TMEM200A: variants seen among roughly 807,000 people sequenced by gnomAD.
The protein encoded by TMEM200A is two transmembrane C.
In TMEM200A, 12 loss-of-function variants were observed where a neutral mutation model predicts 24.3. The observed-to-expected ratio is 0.49, with a 90% CI of 0.32 to 0.80. TMEM200A has a LOEUF of 0.80. Among genes scored for constraint, TMEM200A ranks in the 30% least tolerant of loss-of-function variants. TMEM200A has a pLI of 0.04. For missense variants in TMEM200A, 545 were observed against 614.4 expected, an observed-to-expected ratio of 0.89 and a Z score of 1.19; for synonymous variants, 224 against 224.4, an observed-to-expected ratio of 1.00 and a Z score of 0.02.
At chr6:130,372,663 T>A (rs1425244867) in intron 1 of TMEM200A, among the ~76,000 whole-genome samples, 1 of 152,188 alleles carries the variant, frequency 6.6e-6, no homozygotes, top group Non-Finnish European at 1.5e-5. Context: ...CTAAATAAAA[T>A]GAGTTACTAA....
intron 2 of TMEM200A, among the ~76,000 whole-genome samples, chr6:130,406,157 T>C (rs1369764007): frequency 6.6e-6 from 1 of 152,208 alleles, no homozygotes; most frequent in African/African-American, 2.4e-5. Context: ...CCTTTCCGTT[T>C]ACATATATAG....
At chr6:130,432,098 T>C (rs1779890356) in intron 2 of TMEM200A, among the ~76,000 whole-genome samples, 1 of 152,060 alleles carries the variant, frequency 6.6e-6, no homozygotes, top group Non-Finnish European at 1.5e-5. Context: ...ATTAACATTT[T>C]GCAGATTTTC....
chr6:130,395,751 C>T (rs980208614), intron 2 of TMEM200A, among the ~76,000 whole-genome samples: 11 of 152,120 alleles, frequency 7.2e-5, no homozygotes, highest in African/African-American at 1.2e-4. Context: ...GAGGGGATTG[C>T]GTTATGTATC....
At chr6:130,372,686 G>A (rs1050499905) in intron 1 of TMEM200A, among the ~76,000 whole-genome samples, 8 of 152,182 alleles carry the variant, frequency 5.3e-5, no homozygotes, top group Non-Finnish European at 1.2e-4. Flanking sequence ...GAATGTGAGT[G>A]ACATCATATC....
intron 1 of TMEM200A, among the ~76,000 whole-genome samples, chr6:130,375,798 T>C (rs1778443049): frequency 6.6e-6 from 1 of 152,130 alleles, no homozygotes; most frequent in Admixed American, 6.6e-5. Context: ...TTATTAAAAA[T>C]GAGTGTTGAG....
chr6:130,393,564 C>T (rs73614152), intron 2 of TMEM200A, among the ~76,000 whole-genome samples: 1,998 of 152,160 alleles, frequency 0.013, 38 homozygotes, highest in African/African-American at 0.046. Context: ...TCATGGGGTC[C>T]GAATGGGTTG....
intron 2 of TMEM200A, among the ~76,000 whole-genome samples, chr6:130,391,442 G>T (rs188665150): frequency 6.6e-6 from 1 of 152,092 alleles, no homozygotes; most frequent in East Asian, 1.9e-4. Flanking sequence ...GGGAAATCTG[G>T]GATAGGATAC....
rs1449155179 is a variant in TMEM200A at position 130,366,108 on chromosome 6, C to G, written c.-497C>G. On this transcript the variant is annotated 5_prime_UTR_variant, in exon 1 of 3. Coordinates refer to ENST00000296978, the MANE Select transcript of TMEM200A (RefSeq NM_001258277.2). This position sits in a 1 kb window ranked among gnomAD's most constrained non-coding sequence, Gnocchi z 4.4. ...TGGCGGCGCCGCCTGAGCGGCGACT[C>G]CCTCTCCCCTGCCCGGCTTGCTGCG... 2.0e-6 allele frequency: 2 copies of G among 985,482 alleles called. No homozygotes were observed. Among genetic ancestry groups the G allele is most frequent in the South Asian group, 4.7e-5 (1 of 21,298 alleles). 61.0% of individuals were successfully genotyped at this position (985,482 alleles called of 1,614,324 possible).
chr6:130,441,032 A>G lies in TMEM200A; in HGVS notation c.610A>G (p.Arg204Gly), dbSNP rs1175980354. The change falls in exon 3 of 3, where the codon AGA (arginine) becomes GGA (glycine). Residue 204 changes from arginine (R) to glycine (G), a missense_variant. Arg to Gly is a moderately radical substitution (Grantham distance 125). Transcript: ENST00000296978. ...VKQNGSSCAS[R>G]LAANTIASFS... ...ACAGAATGGGAGCTCCTGTGCCTCG[A>G]GATTGGCAGCAAATACGATCGCCTC... 2 of 1,613,992 alleles carry G rather than the reference A, an allele frequency of 1.2e-6. No homozygotes were observed. The highest frequency in any genetic ancestry group is 2.2e-5 in the South Asian group (2 of 91,058).
rs543763541 is a variant in TMEM200A, at chr6:130,404,665, C to G, written c.-17+19429C>G. 2.6e-5 allele frequency among the ~76,000 whole-genome samples: 4 copies of G among 152,218 alleles called. No individual in the cohort carries two copies. The South Asian group carries it at 8.3e-4, about 32-fold the overall frequency. The stretch of plus-strand genomic sequence containing the variant: ...TAGTTTCTTCTGCTGTGTAGAAGCT[C>G]TTTGGTTAAATTAAATACCATTTGT... On this transcript the variant is annotated intron_variant, in intron 2 of 2. Coordinates refer to ENST00000296978, the MANE Select transcript of TMEM200A (RefSeq NM_001258277.2).
chr6:130,371,516 C>T (rs566441151), intron 1 of TMEM200A, among the ~76,000 whole-genome samples: 1 of 152,222 alleles, frequency 6.6e-6, no homozygotes, highest in Admixed American at 6.5e-5. Flanking sequence ...GAAGGACCAG[C>T]TAAAGGTTGG....
intron 2 of TMEM200A, among the ~76,000 whole-genome samples, chr6:130,394,388 G>T (rs983819796): frequency 6.6e-6 from 1 of 152,172 alleles, no homozygotes; most frequent in African/African-American, 2.4e-5. Context: ...TTTCTGTTGG[G>T]AGCTGGAATG....
intron 2 of TMEM200A, among the ~76,000 whole-genome samples, chr6:130,395,038 CTG>C (rs1489456826): frequency 2.0e-5 from 3 of 152,170 alleles, no homozygotes; most frequent in African/African-American, 7.2e-5. Flanking sequence ...TTTCTTTGTC[CTG>C]TGTAATTTTC....
At chr6:130,407,150 A>C (rs1035185135) in intron 2 of TMEM200A, among the ~76,000 whole-genome samples, 1 of 152,164 alleles carries the variant, frequency 6.6e-6, no homozygotes, top group African/African-American at 2.4e-5. Context: ...TGCTGTATTA[A>C]GCCTATGTGA....
At chr6:130,378,488 C>T (rs1778516861) in intron 1 of TMEM200A, among the ~76,000 whole-genome samples, 1 of 152,006 alleles carries the variant, frequency 6.6e-6, no homozygotes, top group African/African-American at 2.4e-5. Context: ...CTTTGGGAGG[C>T]TGAGGTGGGC....
chr6:130,421,134 C>A (rs1228341243), intron 2 of TMEM200A: 1 of 152,188 alleles, frequency 6.6e-6, no homozygotes, highest in African/African-American at 2.4e-5. Flanking sequence ...GCATCAGAAT[C>A]ACCTGGAGGA....
intron 2 of TMEM200A, among the ~76,000 whole-genome samples, chr6:130,419,741 A>T (rs1427276925): frequency 6.6e-6 from 1 of 152,212 alleles, no homozygotes; most frequent in Non-Finnish European, 1.5e-5. Context: ...GAGCATCAGG[A>T]ATTAAACCAA....
At chr6:130,391,708 C>A (rs1439320083) in intron 2 of TMEM200A, among the ~76,000 whole-genome samples, 1 of 141,566 alleles carries the variant, frequency 7.1e-6, no homozygotes, top group African/African-American at 2.6e-5. Context: ...TCTTATTTCA[C>A]TTCTTTTAAA....
At chr6:130,400,343 T>C (rs1208088695) in intron 2 of TMEM200A, among the ~76,000 whole-genome samples, 2 of 152,144 alleles carry the variant, frequency 1.3e-5, no homozygotes, top group Non-Finnish European at 2.9e-5. Flanking sequence ...CCATAGTGGC[T>C]GTACTAGTTT....
Sources: gnomAD v4.1 joint callset for allele counts (sites outside exome capture counted in the v4.1 genomes callset) on GRCh38, gnomAD v4.1.1 for gene constraint, Gnocchi (gnomAD v3.1) non-coding constraint, MANE v1.5 for transcripts, NCBI Gene and HGNC (gene_info 2026-07-23, HGNC 2026-07-21) for gene names.